Variants in DPY19L4 observed in about 807,000 individuals in gnomAD.
DPY19L4 encodes the protein dpy-19 like 4.
Under a neutral mutation model 102.8 loss-of-function variants are expected in DPY19L4, and 97 were observed. That is an observed-to-expected ratio of 0.94 (90% confidence interval 0.80 to 1.12). DPY19L4 has a LOEUF of 1.12. Among genes scored for constraint, DPY19L4 ranks in the 50% most tolerant of loss-of-function variants. DPY19L4 has a pLI of 0.00. For synonymous variants in DPY19L4, 252 were observed against 283.1 expected (o/e 0.89, Z 1.10); for missense variants, 815 against 850.4 (o/e 0.96, Z 0.52).
intron 2 of DPY19L4, among the ~76,000 whole-genome samples, chr8:94,729,760 AGTG>A (rs1396408732): frequency 6.8e-6 from 1 of 147,006 alleles, no homozygotes. Context: ...AAGCCTGAGA[AGTG>A]GTGTTTGCAG....
rs951437432 is a variant in DPY19L4, at chr8:94,790,846, C to T, written c.*936C>T. 1 of 151,966 alleles carries T rather than the reference C, an allele frequency of 6.6e-6. No homozygotes were observed. The highest frequency in any genetic ancestry group is 1.9e-4 in the East Asian group (1 of 5,200). The allele number at this position is 151,966 out of a possible 1,614,324, so 9.4% of individuals were successfully genotyped here. A position where few individuals can be genotyped will look rare whatever the true frequency, so the allele number is the denominator to read the frequency against. ...GGGGATACATGCAGATGTTGTTAAA[C>T]GTACCTCTGCATACAGATATATTAT... On this transcript the variant is annotated 3_prime_UTR_variant, in exon 19 of 19. Coordinates refer to ENST00000414645, the MANE Select transcript of DPY19L4 (RefSeq NM_181787.3).
At chr8:94,768,090 T>C (rs1211100775) in intron 11 of DPY19L4, among the ~76,000 whole-genome samples, 2 of 152,186 alleles carry the variant, frequency 1.3e-5, no homozygotes, top group African/African-American at 2.4e-5. Context: ...TTGTTTGTTG[T>C]CTTCTAGATA....
chr8:94,738,438 A>C lies in DPY19L4; in HGVS notation c.322A>C (p.Lys108Gln), dbSNP rs2130815708. The C allele has an allele frequency of 1.3e-6, 2 of 1,556,212 alleles. No individual in the cohort carries two copies. Among genetic ancestry groups the C allele is most frequent in the Non-Finnish European group, 1.7e-6 (2 of 1,153,646 alleles). Reference sequence around the variant, plus strand: ...TTACTCCTATTATAAAGATATGTTAAAGGCACCTTCATTTGAAAGAGGTAT... The same window carrying C: ...TTACTCCTATTATAAAGATATGTTACAGGCACCTTCATTTGAAAGAGGTAT... ...IYYSYYKDML[K>Q]APSFERGVYE... Residue 108 changes from lysine to glutamine, a missense_variant, in exon 4 of 19, where the codon AAG becomes CAG. Physicochemically the swap from Lys to Gln is moderately conservative, Grantham distance 53. Transcript: ENST00000414645.
intron 14 of DPY19L4, among the ~76,000 whole-genome samples, chr8:94,779,321 CTTTT>C (rs745357638): frequency 3.9e-4 from 56 of 142,118 alleles, no homozygotes; most frequent in African/African-American, 1.4e-3. Flanking sequence ...TTTCTTTTCT[CTTTT>C]TTTTTTTTTC....
intron 16 of DPY19L4, among the ~76,000 whole-genome samples, chr8:94,783,433 C>T (rs1813518543): frequency 6.6e-6 from 1 of 151,456 alleles, no homozygotes; most frequent in Non-Finnish European, 1.5e-5. Flanking sequence ...TTCTTATTGT[C>T]TTCCCCCTGC....
At chr8:94,720,319 T>G in intron 1 of DPY19L4, 3 of 943,578 alleles carry the variant, frequency 3.2e-6, no homozygotes, top group Non-Finnish European at 3.8e-6. Context: ...CCTGATCAGA[T>G]TCTTGGTGAA....
At chr8:94,728,279 C>T (rs1053231918) in intron 2 of DPY19L4, among the ~76,000 whole-genome samples, 1 of 152,236 alleles carries the variant, frequency 6.6e-6, no homozygotes, top group Non-Finnish European at 1.5e-5. Flanking sequence ...CCCCCACTCT[C>T]AGTATACACT....
At chr8:94,734,522 G>C (rs1586321017) in intron 2 of DPY19L4, 108 bp from the exon 3 acceptor site, 1 of 1,114,542 alleles carries the variant, frequency 9.0e-7, no homozygotes, top group East Asian at 2.6e-5. Flanking sequence ...AATTAGACTC[G>C]AGTTGTGGGT....
rs1563623201 is a variant in DPY19L4 at position 94,790,300 on chromosome 8, TAGAA to T, written c.*395_*398del. ...TAAATAATGTGATATAATTATTTAA[TAGAA>T]AGAATAATTCCGACCTTCAAGCAAG... On this transcript the variant is annotated 3_prime_UTR_variant, in exon 19 of 19. Coordinates refer to ENST00000414645, the MANE Select transcript of DPY19L4 (RefSeq NM_181787.3). 6.5e-6 allele frequency: 1 copy of T among 153,266 alleles called. No individual in the cohort carries two copies. Among genetic ancestry groups the T allele is most frequent in the South Asian group, 2.1e-4 (1 of 4,834 alleles). The allele number at this position is 153,266 out of a possible 1,614,324, so 9.5% of individuals were successfully genotyped here.
In DPY19L4 at chr8:94,793,703, A is replaced by C. The variant is rs1185442900; in HGVS notation, c.*3793A>C. On this transcript the variant is annotated 3_prime_UTR_variant, in exon 19 of 19. Transcript: ENST00000414645. The stretch of plus-strand genomic sequence containing the variant: ...ACAGGATCTCATTAGTATGTTTTTT[A>C]ATGTGTAGAATTAACACTTTAAAAT... The C allele has an allele frequency of 6.6e-6, 1 of 152,158 alleles. No individual in the cohort carries two copies. Among genetic ancestry groups the C allele is most frequent in the East Asian group, 1.9e-4 (1 of 5,200 alleles). The allele number at this position is 152,158 out of a possible 1,614,324, so 9.4% of individuals were successfully genotyped here. A position where few individuals can be genotyped will look rare whatever the true frequency, so the allele number is the denominator to read the frequency against.
chr8:94,754,373 T>C (rs1812070581), intron 6 of DPY19L4, among the ~76,000 whole-genome samples: 1 of 152,208 alleles, frequency 6.6e-6, no homozygotes, highest in South Asian at 2.1e-4. Flanking sequence ...CCTGGTTGGA[T>C]TTATTGCTGT....
chr8:94,781,942 C>T lies in DPY19L4; in HGVS notation c.1715+776C>T, dbSNP rs139669375. On this transcript the variant is annotated intron_variant, in intron 16 of 18. Coordinates refer to ENST00000414645, the MANE Select transcript of DPY19L4 (RefSeq NM_181787.3). ...GTTGGTCTGGAATGGGTGACAAATC[C>T]TCAACCCATGTTATACAGGATTCCA... 1.9e-3 allele frequency among the ~76,000 whole-genome samples: 287 copies of T among 152,208 alleles called. 1 individual carries two copies. In the Middle Eastern group the frequency reaches 0.037, roughly 20 times the overall value.
At chr8:94,783,584 G>T in intron 16 of DPY19L4, 86 bp from the exon 17 acceptor site, 1 of 1,467,418 alleles carries the variant, frequency 6.8e-7, no homozygotes, top group South Asian at 1.4e-5. Flanking sequence ...ATTGTAAGTT[G>T]TCTGGTATTT....
intron 6 of DPY19L4, among the ~76,000 whole-genome samples, chr8:94,741,558 T>C (rs1489505497): frequency 6.6e-6 from 1 of 152,216 alleles, no homozygotes; most frequent in African/African-American, 2.4e-5. Context: ...ATTTAATAGC[T>C]TTCTCAGTGA....
At chr8:94,742,990 C>T (rs1430917003) in intron 6 of DPY19L4, among the ~76,000 whole-genome samples, 1 of 151,988 alleles carries the variant, frequency 6.6e-6, no homozygotes, top group Non-Finnish European at 1.5e-5. Flanking sequence ...CAGGCATGAG[C>T]CACCATGCCC....
intron 13 of DPY19L4, 152 bp downstream of exon 13, chr8:94,770,723 A>G (rs1322575894): frequency 1.1e-6 from 1 of 940,776 alleles, no homozygotes; most frequent in African/African-American, 1.7e-5. Context: ...TCAACACTCA[A>G]CATGGTGAGA....
At chr8:94,723,473 C>CAA (rs760272562) in intron 1 of DPY19L4, among the ~76,000 whole-genome samples, 1 of 121,776 alleles carries the variant, frequency 8.2e-6, no homozygotes, top group Admixed American at 8.5e-5. Context: ...AACTCCGTCT[C>CAA]AAAAAAAAAA....
intron 1 of DPY19L4, among the ~76,000 whole-genome samples, chr8:94,722,348 AGTGAGACGAGATCGCC>A (rs1351694099): frequency 2.0e-5 from 3 of 152,080 alleles, no homozygotes; most frequent in Admixed American, 2.0e-4. Context: ...CCGAGGTTGC[AGTGAGACGAGATCGCC>A]CCACTGCACT....
intron 2 of DPY19L4, among the ~76,000 whole-genome samples, chr8:94,732,370 T>C (rs564743543): frequency 1.3e-5 from 2 of 152,202 alleles, no homozygotes; most frequent in South Asian, 4.1e-4. Context: ...GTATACAAAA[T>C]CCAAATGTGT....
Sources: allele counts gnomAD v4.1 joint callset (sites outside exome capture counted in the v4.1 genomes callset), GRCh38; gene constraint gnomAD v4.1.1; transcripts MANE v1.5; gene names NCBI Gene and HGNC (gene_info 2026-07-23, HGNC 2026-07-21).